The following TAF1C variants were observed in gnomAD, a reference collection of about 807,000 sequenced individuals.
TAF1C encodes TATA-box binding protein associated factor, RNA polymerase I subunit C, also known as TATA box-binding protein-associated factor RNA polymerase I subunit C.
A neutral mutation model predicts 70.5 loss-of-function variants in TAF1C; 79 were observed. The ratio of observed to expected loss-of-function variants is 1.12; its 90% CI spans 0.93 to 1.35. The LOEUF (loss-of-function observed/expected upper bound fraction) is 1.35. Ranked by LOEUF, TAF1C falls within the 40% of genes most tolerant of loss-of-function variation. The pLI, the probability that TAF1C is intolerant of heterozygous loss-of-function variation, is 0.00. For missense variants in TAF1C, 1,412 were observed against 1,127.8 expected (o/e 1.25, Z -3.61); for synonymous variants, 614 against 491.1 (o/e 1.25, Z -3.31).
Position 84,182,097 on chromosome 16 carries a change from C to A in TAF1C, c.722-39G>T. 6.3e-7 allele frequency: 1 copy of A among 1,598,962 alleles called. No individual in the cohort carries two copies. Among genetic ancestry groups the A allele is most frequent in the South Asian group, 1.1e-5 (1 of 89,246 alleles). ...TAAGGATCAGTGCACGAGCTATGAT[C>A]ACTGCAAGCCCCCCAAATTCCTGCC... On this transcript the variant is annotated intron_variant, in intron 7 of 14. Transcript: ENST00000566732. This position sits in a 1 kb window ranked among gnomAD's most constrained non-coding sequence, Gnocchi z 5.0.
chr16:84,179,300 T>C lies in TAF1C; in HGVS notation c.2173A>G (p.Lys725Glu). 1.3e-6 allele frequency: 2 copies of C among 1,596,328 alleles called. No individual in the cohort carries two copies. The highest frequency in any genetic ancestry group is 1.7e-6 in the Non-Finnish European group (2 of 1,177,224). Residue 725 changes from lysine to glutamate, a missense_variant, in exon 15 of 15, where the codon AAG becomes GAG. Physicochemically the swap from Lys to Glu is moderately conservative, Grantham distance 56. Coordinates refer to ENST00000566732, the MANE Select transcript of TAF1C (RefSeq NM_001243156.2). ...CTGCTGGACAGCTGGGTCCGGCGCT[T>C]GGGCCGCCTGGTCTGTCTCCCGGGC... ...SEPGRQTRRP[K>E]RRTQLSSSFS...
rs781054186 is a variant in TAF1C at position 84,183,515 on chromosome 16, G to A, written c.221-8C>T. ...GGCCAGGGTCCCAGGGATCTGAGAA[G>A]GAGGTTACGGAAAGGGCTGGGGAGG... On this transcript the variant is annotated splice_region_variant and splice_polypyrimidine_tract_variant and intron_variant, in intron 3 of 14. Coordinates refer to ENST00000566732, the MANE Select transcript of TAF1C (RefSeq NM_001243156.2). 1 of 1,605,450 alleles carries A rather than the reference G, an allele frequency of 6.2e-7. No homozygotes were observed. The highest frequency in any genetic ancestry group is 1.7e-5 in the Admixed American group (1 of 58,880).
chr16:84,183,920 A>G (rs758943432), intron 2 of TAF1C, 142 bp from the exon 3 acceptor site: 63 of 614,096 alleles, frequency 1.0e-4, no homozygotes, highest in Non-Finnish European at 4.5e-5. Context: ...TTGTCATTTT[A>G]CTGCTGAAGA....
rs951512805 is a variant in TAF1C, at chr16:84,183,859, A to T, written c.139-81T>A. ...GGCTGTGCACAGGCATTCATCTCTT[A>T]TCAACTCATCCAATCCTCACAACAA... On this transcript the variant is annotated intron_variant, in intron 2 of 14. Transcript: ENST00000566732. The T allele has an allele frequency of 7.6e-6, 8 of 1,048,552 alleles. No individual in the cohort carries two copies. In the African/African-American group the frequency reaches 7.9e-5, roughly 10 times the overall value. The allele number at this position is 1,048,552 out of a possible 1,614,324, so 65.0% of individuals were successfully genotyped here.
At position 84,178,279 on chromosome 16, in the gene TAF1C, A is replaced by T; in HGVS notation, c.*662T>A. ...CCACAGGTGCCAGACCCATGTCCCAAGGGAGAAGGAACATCAGCCATCATC... is the reference window on the plus strand; with the variant it reads ...CCACAGGTGCCAGACCCATGTCCCATGGGAGAAGGAACATCAGCCATCATC... On this transcript the variant is annotated 3_prime_UTR_variant, in exon 15 of 15. Transcript: ENST00000566732. 1 of 454,528 alleles carries T rather than the reference A, an allele frequency of 2.2e-6. No homozygotes were observed. Among genetic ancestry groups the T allele is most frequent in the Non-Finnish European group, 4.4e-6 (1 of 225,596 alleles). 28.2% of individuals were successfully genotyped at this position (454,528 alleles called of 1,614,324 possible).
rs536745834 is a variant in TAF1C, at chr16:84,178,427, G to A, written c.*514C>T. 1.3e-5 allele frequency: 6 copies of A among 457,998 alleles called. No homozygotes were observed. Among genetic ancestry groups the A allele is most frequent in the African/African-American group, 9.9e-5 (5 of 50,264 alleles). The allele number at this position is 457,998 out of a possible 1,614,324, so 28.4% of individuals were successfully genotyped here. A position where few individuals can be genotyped will look rare whatever the true frequency, so the allele number is the denominator to read the frequency against. Reference sequence around the variant, plus strand: ...TTTAGTCCCTGAACCTGGATCCAAGGCATCTCCCTGTAGGAAACATCAGAC... The same window carrying A: ...TTTAGTCCCTGAACCTGGATCCAAGACATCTCCCTGTAGGAAACATCAGAC... On this transcript the variant is annotated 3_prime_UTR_variant, in exon 15 of 15. Coordinates refer to ENST00000566732, the MANE Select transcript of TAF1C (RefSeq NM_001243156.2).
chr16:84,182,278 C>G lies in TAF1C; in HGVS notation c.645G>C (p.Ala215=). 1 of 1,613,034 alleles carries G rather than the reference C, an allele frequency of 6.2e-7. No individual in the cohort carries two copies. The highest frequency in any genetic ancestry group is 1.1e-5 in the South Asian group (1 of 91,082). ...LLLDEACTGG[A]LAWVPGRTPQ... ...GTGTCCTTCCAGGAACCCAGGCCAG[C>G]GCGCCCCCAGTGCAGGCCTCATCCA... Residue 215 remains alanine (A), a synonymous_variant, in exon 7 of 15, where the codon GCG becomes GCC. Transcript: ENST00000566732. This position sits in a 1 kb window ranked among gnomAD's most constrained non-coding sequence, Gnocchi z 5.0.
chr16:84,184,551 G>C (rs996086020), intron 2 of TAF1C, among the ~76,000 whole-genome samples: 1 of 152,144 alleles, frequency 6.6e-6, no homozygotes, highest in Non-Finnish European at 1.5e-5. Flanking sequence ...TTATCCATTG[G>C]ATAAAGTTCA....
In TAF1C at chr16:84,180,024, C is replaced by G. The variant is rs896402602; in HGVS notation, c.1543G>C (p.Asp515His). 2 of 1,610,494 alleles carry G rather than the reference C, an allele frequency of 1.2e-6. No individual in the cohort carries two copies. The highest frequency in any genetic ancestry group is 8.5e-7 in the Non-Finnish European group (1 of 1,179,026). The change falls in exon 14 of 15, where the codon GAC (aspartate) becomes CAC (histidine). Residue 515 changes from aspartate (D) to histidine (H), a missense_variant. Coordinates refer to ENST00000566732, the MANE Select transcript of TAF1C (RefSeq NM_001243156.2). ...AGCAGAGGAAATGCAGGGAGGGAGTCGATCCTGGAAGGAAGAGACTGGGGG... is the reference window on the plus strand; with the variant it reads ...AGCAGAGGAAATGCAGGGAGGGAGTGGATCCTGGAAGGAAGAGACTGGGGG... ...GPPQSLPSRI[D>H]SLPAFPLLEP... is the part of the protein sequence containing the mutation.
rs3743642 is a variant in TAF1C, at chr16:84,179,322, G to A, written c.2151C>T (p.Pro717=). The change falls in exon 15 of 15, where the codon CCC becomes CCT. Residue 717 remains proline (P), a synonymous_variant. Coordinates refer to ENST00000566732, the MANE Select transcript of TAF1C (RefSeq NM_001243156.2). The stretch of plus-strand genomic sequence containing the variant: ...GCTTGGGCCGCCTGGTCTGTCTCCC[G>A]GGCTCCGAGGTCCTGCCCTGCTGCC... ...WERQQGRTSE[P]GRQTRRPKRR... 164,579 of 1,599,788 alleles carry A rather than the reference G, an allele frequency of 0.1. 9,649 individuals carry two copies. Among genetic ancestry groups the A allele is most frequent in the South Asian group, 0.2 (18,545 of 90,740 alleles).
Position 84,184,896 on chromosome 16 carries a change from C to T in TAF1C, c.93G>A (p.Trp31Ter). The change falls in exon 2 of 15, where the codon TGG (tryptophan) becomes TGA (stop). Residue 31 changes from tryptophan to a stop codon, truncating the protein, a stop_gained. Transcript: ENST00000566732. LOFTEE classifies it high-confidence loss of function. ...CCTCTGGCAGAGTCAGTGCGTCTCG[C>T]CAGCTGCACATGAAAGAGAGGTCAG... ...DVPDLSFMCS[W>*]RDALTLPEAQ... is the part of the protein sequence containing the mutation. The T allele has an allele frequency of 6.2e-7, 1 of 1,612,726 alleles. No individual in the cohort carries two copies. The highest frequency in any genetic ancestry group is 8.5e-7 in the Non-Finnish European group (1 of 1,179,468).
At chr16:84,183,387 C>A (rs771839516) in intron 4 of TAF1C, 23 bp downstream of exon 4, 1 of 1,613,564 alleles carries the variant, frequency 6.2e-7, no homozygotes, top group Non-Finnish European at 8.5e-7. Context: ...CTACGCAGCA[C>A]TGTCCCCCGT....
In TAF1C at chr16:84,178,639, G is replaced by T; in HGVS notation, c.*302C>A. ...GGACCTGCCTGAGGCCCCCACAGCT[G>T]AGGCGCAGCGGAGCCCTGCCTCCCA... On this transcript the variant is annotated 3_prime_UTR_variant, in exon 15 of 15. Coordinates refer to ENST00000566732, the MANE Select transcript of TAF1C (RefSeq NM_001243156.2). 2.2e-6 allele frequency: 1 copy of T among 463,954 alleles called. No homozygotes were observed. Among genetic ancestry groups the T allele is most frequent in the African/African-American group, 2.0e-5 (1 of 50,780 alleles). The allele number at this position is 463,954 out of a possible 1,614,324, so 28.7% of individuals were successfully genotyped here.
At chr16:84,180,149 C>T (rs761392448) in intron 13 of TAF1C, 21 bp downstream of exon 13, 4 of 1,558,650 alleles carry the variant, frequency 2.6e-6, no homozygotes, top group Admixed American at 4.2e-5. Context: ...ACACGCCGCC[C>T]ACCCTGGCCT....
rs759768196 is a variant in TAF1C at position 84,181,675 on chromosome 16, G to T, written c.957-12C>A. The T allele has an allele frequency of 6.2e-7, 1 of 1,614,008 alleles. No homozygotes were observed. Among genetic ancestry groups the T allele is most frequent in the East Asian group, 2.2e-5 (1 of 44,880 alleles). Reference sequence around the variant, plus strand: ...CGGGCAGGTGAGGGCTACAGGGCAGGAATGCATTCACATCGGGCTGCTCAG... The same window carrying T: ...CGGGCAGGTGAGGGCTACAGGGCAGTAATGCATTCACATCGGGCTGCTCAG... On this transcript the variant is annotated splice_polypyrimidine_tract_variant and intron_variant, in intron 9 of 14. Coordinates refer to ENST00000566732, the MANE Select transcript of TAF1C (RefSeq NM_001243156.2).
In TAF1C at chr16:84,180,180, C is replaced by T; in HGVS notation, c.1473G>A (p.Leu491=). 6.5e-7 allele frequency: 1 copy of T among 1,547,848 alleles called. No homozygotes were observed. ...LGGQGGQLQL[L]HLAGEGASVP... The stretch of plus-strand genomic sequence containing the variant: ...GGCCTGGACCCTCACCTGCCAGGTG[C>T]AGCAGCTGCAGCTGCCCACCCTGGC... Residue 491 remains leucine, a synonymous_variant, in exon 13 of 15, where the codon CTG becomes CTA. Transcript: ENST00000566732.
At position 84,179,748 on chromosome 16, in the gene TAF1C, G is replaced by A. The variant is rs749530080; in HGVS notation, c.1725C>T (p.Pro575=). 5.6e-6 allele frequency: 9 copies of A among 1,610,610 alleles called. No individual in the cohort carries two copies. The highest frequency in any genetic ancestry group is 5.5e-5 in the South Asian group (5 of 90,840). Residue 575 remains proline, a synonymous_variant, in exon 15 of 15, where the codon CCC becomes CCT. Transcript: ENST00000566732. The stretch of plus-strand genomic sequence containing the variant: ...CTCTGCGGAGGCTGGAGTCCACCTG[G>A]GGGCGGAGCTGCTGGTAGAAGACAT... ...AGDVFYQQLR[P]QVDSSLRRDA... is the part of the protein sequence containing the mutation.
chr16:84,178,586 C>T lies in TAF1C; in HGVS notation c.*355G>A, dbSNP rs528279766. Reference sequence around the variant, plus strand: ...GAGCCAGCACTCCTGGCCCCCATTCCACTGGACAGGAAGGCGTGAGAACTG... The same window carrying T: ...GAGCCAGCACTCCTGGCCCCCATTCTACTGGACAGGAAGGCGTGAGAACTG... On this transcript the variant is annotated 3_prime_UTR_variant, in exon 15 of 15. Transcript: ENST00000566732. 1.8e-4 allele frequency: 76 copies of T among 430,660 alleles called. No homozygotes were observed. The highest frequency in any genetic ancestry group is 1.4e-3 in the South Asian group (76 of 53,596). 26.7% of individuals were successfully genotyped at this position (430,660 alleles called of 1,614,324 possible).
chr16:84,182,136 T>C lies in TAF1C; in HGVS notation c.721+66A>G. 1 of 1,590,176 alleles carries C rather than the reference T, an allele frequency of 6.3e-7. No individual in the cohort carries two copies. Among genetic ancestry groups the C allele is most frequent in the East Asian group, 2.2e-5 (1 of 44,604 alleles). The stretch of plus-strand genomic sequence containing the variant: ...CAAATTCCTGCCCTTCTCTGGACCA[T>C]GCCAAGAGCACCTCCTCTACCAGAG... On this transcript the variant is annotated intron_variant, in intron 7 of 14. Coordinates refer to ENST00000566732, the MANE Select transcript of TAF1C (RefSeq NM_001243156.2). This position sits in a 1 kb window ranked among gnomAD's most constrained non-coding sequence, Gnocchi z 5.0.
Sources: gnomAD v4.1 joint callset for allele counts (sites outside exome capture counted in the v4.1 genomes callset) on GRCh38, gnomAD v4.1.1 for gene constraint, Gnocchi (gnomAD v3.1) non-coding constraint, MANE v1.5 for transcripts, NCBI Gene and HGNC (gene_info 2026-07-23, HGNC 2026-07-21) for gene names.